UNC13B: variants seen among roughly 807,000 people sequenced by gnomAD.
The protein encoded by UNC13B is unc-13 homolog B, also known as protein unc-13 homolog B.
In UNC13B, 144 loss-of-function variants were observed where a neutral mutation model predicts 211.0. The ratio of observed to expected loss-of-function variants is 0.68; its 90% CI spans 0.60 to 0.78. The LOEUF (loss-of-function observed/expected upper bound fraction) is 0.78, where lower values mean the gene tolerates loss of function less well. Ranked by LOEUF, UNC13B falls within the 30% of genes least tolerant of loss-of-function variation. UNC13B has a pLI of 0.00. For missense variants in UNC13B, 1,777 were observed against 2,002.0 expected, an observed-to-expected ratio of 0.89 and a Z score of 2.14; for synonymous variants, 709 against 725.8, an observed-to-expected ratio of 0.98 and a Z score of 0.37.
At chr9:35,255,952 T>C (rs1276861598) in intron 6 of UNC13B, among the ~76,000 whole-genome samples, 1 of 152,172 alleles carries the variant, frequency 6.6e-6, no homozygotes, top group Non-Finnish European at 1.5e-5. Flanking sequence ...TTCCCGAAGT[T>C]AGTTCAGCCT....
intron 11 of UNC13B, among the ~76,000 whole-genome samples, chr9:35,329,810 A>G (rs1394266258): frequency 6.6e-6 from 1 of 152,076 alleles, no homozygotes; most frequent in Non-Finnish European, 1.5e-5. Flanking sequence ...AGCCACCCAG[A>G]CTGTTCTACT....
At chr9:35,228,068 C>T in intron 2 of UNC13B, 24 bp downstream of exon 2, 1 of 1,599,322 alleles carries the variant, frequency 6.3e-7, no homozygotes, top group South Asian at 1.1e-5. Flanking sequence ...TCTATTATGT[C>T]TTTTCCTCTT....
Position 35,237,810 on chromosome 9 carries a change from A to C in UNC13B, c.378A>C (p.Arg126Ser), listed in dbSNP as rs758403290. The C allele has an allele frequency of 6.2e-7, 1 of 1,612,520 alleles. No homozygotes were observed. The highest frequency in any genetic ancestry group is 8.5e-7 in the Non-Finnish European group (1 of 1,179,636). The change falls in exon 5 of 40, where the codon AGA (arginine) becomes AGC (serine). Residue 126 changes from arginine to serine, a missense_variant. Arg to Ser is a moderately radical substitution (Grantham distance 110). Coordinates refer to ENST00000635942, the MANE Select transcript of UNC13B (RefSeq NM_001371189.2). The stretch of plus-strand genomic sequence containing the variant: ...CTCATAAAATTTTGCTTGATACAAG[A>C]TTTGAGTTGCCTTTTGGTGAGTAAA... ...PTPHKILLDT[R>S]FELPFDIPEE...
intron 11 of UNC13B, among the ~76,000 whole-genome samples, chr9:35,359,440 C>T (rs1165500730): frequency 1.3e-5 from 2 of 152,188 alleles, no homozygotes; most frequent in Non-Finnish European, 2.9e-5. Context: ...AGGTTTATAT[C>T]TCCAACCCAA....
At chr9:35,245,823 G>A (rs559305986) in intron 6 of UNC13B, among the ~76,000 whole-genome samples, 42 of 152,222 alleles carry the variant, frequency 2.8e-4, no homozygotes, top group African/African-American at 9.9e-4. Flanking sequence ...GCATGCATGT[G>A]TCTTTATAGC....
At chr9:35,184,158 G>A (rs570262018) in intron 1 of UNC13B, among the ~76,000 whole-genome samples, 32 of 149,238 alleles carry the variant, frequency 2.1e-4, no homozygotes, top group Admixed American at 4.7e-4. Context: ...ACAGGGTGGC[G>A]GCCAGGCAGA....
At chr9:35,352,431 G>C in intron 11 of UNC13B, 1 of 1,232,156 alleles carries the variant, frequency 8.1e-7, no homozygotes. Context: ...ATTGCCACCA[G>C]AGAAGAACCA....
Position 35,179,785 on chromosome 9 carries a change from G to A in UNC13B, c.22+17480G>A, listed in dbSNP as rs538653489. On this transcript the variant is annotated intron_variant, in intron 1 of 39. Coordinates refer to ENST00000635942, the MANE Select transcript of UNC13B (RefSeq NM_001371189.2). ...TAGCCCAGCCTGGGTGACAGAGTAA[G>A]ACTCTGTTTCAAAAAAGACAAAAAA... 3.5e-3 allele frequency among the ~76,000 whole-genome samples: 539 copies of A among 152,252 alleles called. 1 individual carries two copies. Among genetic ancestry groups the A allele is most frequent in the African/African-American group, 0.013 (522 of 41,536 alleles).
At chr9:35,390,520 TCTC>T in intron 25 of UNC13B, 106 bp from the exon 26 acceptor site, 2 of 1,229,666 alleles carry the variant, frequency 1.6e-6, no homozygotes, top group Non-Finnish European at 1.2e-6. Context: ...TCCCTAAGCA[TCTC>T]CTCTCTCCAA....
At position 35,304,710 on chromosome 9, in the gene UNC13B, A is replaced by T. The variant is rs1361208124; in HGVS notation, c.5306A>T (p.Asp1769Val). Residue 1769 changes from aspartate (D) to valine (V), a missense_variant, in exon 9 of 40, where the codon GAT becomes GTT. Physicochemically the swap from Asp to Val is radical, Grantham distance 152 (BLOSUM62 -3). Transcript: ENST00000635942. ...TCAGTTGGTAGTACTTTGAAGTTTG[A>T]TAAGAGTGAATCCTTAGAGGCTTTG... ...GASVGSTLKFDKSESLEALAM... is the reference protein window; with the variant it reads ...GASVGSTLKFVKSESLEALAM... The T allele has an allele frequency of 1.3e-5, 5 of 398,902 alleles. No individual in the cohort carries two copies. Among genetic ancestry groups the T allele is most frequent in the African/African-American group, 1.0e-4 (5 of 48,756 alleles). 24.7% of individuals were successfully genotyped at this position (398,902 alleles called of 1,614,324 possible).
At position 35,236,536 on chromosome 9, in the gene UNC13B, A is replaced by G. The variant is rs879019590; in HGVS notation, c.220A>G (p.Met74Val). ...VWNKGLIWDT[M>V]VGTVWIALKT... ...GAACAAAGGACTGATCTGGGACACC[A>G]TGGTGGGGACTGTGTGGATTGCGCT... The change falls in exon 4 of 40, where the codon ATG becomes GTG. Residue 74 changes from methionine (M) to valine (V), a missense_variant. By Grantham distance (21) the Met-to-Val change is conservative. Coordinates refer to ENST00000635942, the MANE Select transcript of UNC13B (RefSeq NM_001371189.2). 2 of 1,614,110 alleles carry G rather than the reference A, an allele frequency of 1.2e-6. No homozygotes were observed. Among genetic ancestry groups the G allele is most frequent in the Admixed American group, 1.7e-5 (1 of 60,002 alleles).
chr9:35,351,475 G>T, intron 11 of UNC13B: 2 of 1,231,812 alleles, frequency 1.6e-6, no homozygotes, highest in South Asian at 8.3e-5. Context: ...TAAGCATCCT[G>T]ACCAGAAATA....
chr9:35,278,355 A>G (rs1277650720), intron 7 of UNC13B, among the ~76,000 whole-genome samples: 2 of 152,168 alleles, frequency 1.3e-5, no homozygotes, highest in African/African-American at 4.8e-5. Context: ...GGTGGCTAAA[A>G]TTTTGTTGCT....
chr9:35,355,259 A>G (rs1442937608), intron 11 of UNC13B, among the ~76,000 whole-genome samples: 1 of 152,248 alleles, frequency 6.6e-6, no homozygotes, highest in Non-Finnish European at 1.5e-5. Flanking sequence ...AAGATATGTA[A>G]GAAACGGATA....
chr9:35,175,453 G>A (rs1587292394), intron 1 of UNC13B, among the ~76,000 whole-genome samples: 1 of 152,200 alleles, frequency 6.6e-6, no homozygotes, highest in Admixed American at 6.5e-5. Flanking sequence ...AGAACTGTAG[G>A]AAAATGGAGA....
At chr9:35,369,058 T>C (rs1267834880) in intron 12 of UNC13B, among the ~76,000 whole-genome samples, 2 of 152,220 alleles carry the variant, frequency 1.3e-5, no homozygotes, top group South Asian at 4.1e-4. Context: ...CTGTCCTAAG[T>C]ATAGAACTTC....
chr9:35,281,560 T>C (rs1286425359), intron 7 of UNC13B, among the ~76,000 whole-genome samples: 2 of 152,172 alleles, frequency 1.3e-5, no homozygotes, highest in Non-Finnish European at 2.9e-5. Flanking sequence ...GAGAATGTAA[T>C]ACAAATTTGG....
At chr9:35,218,693 G>C (rs578083634) in intron 1 of UNC13B, among the ~76,000 whole-genome samples, 1 of 151,816 alleles carries the variant, frequency 6.6e-6, no homozygotes, top group Non-Finnish European at 1.5e-5. Context: ...CACCGCGTCT[G>C]GTTAAGTGGT....
At chr9:35,309,228 T>A (rs1587590053) in intron 9 of UNC13B, among the ~76,000 whole-genome samples, 2 of 60,686 alleles carry the variant, frequency 3.3e-5, no homozygotes, top group Middle Eastern at 6.3e-3. Context: ...GGTCAGTGTG[T>A]GTGTGTGTGT....
Sources: gnomAD v4.1 joint callset for allele counts (sites outside exome capture counted in the v4.1 genomes callset) on GRCh38, gnomAD v4.1.1 for gene constraint, MANE v1.5 for transcripts, NCBI Gene and HGNC (gene_info 2026-07-23, HGNC 2026-07-21) for gene names.